PTPRD: variants seen among roughly 807,000 people sequenced by gnomAD.
The protein encoded by PTPRD is receptor-type tyrosine-protein phosphatase delta.
PTPRD carries 34 observed loss-of-function variants against 214.5 expected under a neutral mutation model. That is an observed-to-expected ratio of 0.16 (90% CI 0.12 to 0.21). The LOEUF (loss-of-function observed/expected upper bound fraction) is 0.21, where lower values mean the gene tolerates loss of function less well. PTPRD is among the 10% of genes least tolerant of loss of function. PTPRD has a pLI of 1.00. For missense variants in PTPRD, 2,545 were observed against 2,398.7 expected (o/e 1.06, Z -1.27); for synonymous variants, 1,128 against 845.7 (o/e 1.33, Z -5.79).
In PTPRD at chr9:8,504,685, T is replaced by C. The variant is rs573567239; in HGVS notation, c.1678-280A>G. On this transcript the variant is annotated intron_variant, in intron 22 of 45. Coordinates refer to ENST00000381196, the MANE Select transcript of PTPRD (RefSeq NM_002839.4). ...CCAAATACATCAGATAAGACGAAGA[T>C]TGAGAGGCCAACACCCATGAGTATG... Among the ~76,000 whole-genome samples the C allele has an allele frequency of 1.1e-4, 16 of 152,254 alleles. No individual in the cohort carries two copies. The South Asian group carries it at 2.1e-3, about 20-fold the overall frequency.
intron 2 of PTPRD, among the ~76,000 whole-genome samples, chr9:10,396,736 A>C (rs1330978905): frequency 6.6e-6 from 1 of 152,032 alleles, no homozygotes; most frequent in African/African-American, 2.4e-5. Context: ...GGAAGTATAC[A>C]TAACAATTGC....
intron 10 of PTPRD, among the ~76,000 whole-genome samples, chr9:9,171,215 G>C (rs186098535): frequency 6.6e-6 from 1 of 152,212 alleles, no homozygotes; most frequent in Admixed American, 6.6e-5. Context: ...ATGGGGCATT[G>C]AGAGGTTAAT....
chr9:10,447,560 T>A (rs1389087469), intron 2 of PTPRD, among the ~76,000 whole-genome samples: 3 of 151,906 alleles, frequency 2.0e-5, no homozygotes, highest in Non-Finnish European at 4.4e-5. Flanking sequence ...ATCCACCACA[T>A]CTCCTGTTTT....
intron 7 of PTPRD, among the ~76,000 whole-genome samples, chr9:9,602,055 A>T (rs568839479): frequency 6.6e-6 from 1 of 152,118 alleles, no homozygotes; most frequent in African/African-American, 2.4e-5. Context: ...TACTGGTTTC[A>T]TCAGACTCTT....
At chr9:9,133,083 A>G (rs2099845314) in intron 10 of PTPRD, among the ~76,000 whole-genome samples, 1 of 152,188 alleles carries the variant, frequency 6.6e-6, no homozygotes, top group Non-Finnish European at 1.5e-5. Flanking sequence ...TCATGCAATC[A>G]GGGTTATTTT....
intron 3 of PTPRD, among the ~76,000 whole-genome samples, chr9:10,191,180 G>A (rs984816892): frequency 1.3e-5 from 2 of 152,120 alleles, no homozygotes; most frequent in Middle Eastern, 6.8e-3. Flanking sequence ...AAGAAATGAT[G>A]TTTTACTCAT....
At chr9:10,304,918 C>T (rs1211033545) in intron 3 of PTPRD, among the ~76,000 whole-genome samples, 1 of 152,126 alleles carries the variant, frequency 6.6e-6, no homozygotes, top group Non-Finnish European at 1.5e-5. Flanking sequence ...CTTTAAAGTT[C>T]ATATGGAACC....
At chr9:8,661,176 G>A (rs2097041320) in intron 12 of PTPRD, among the ~76,000 whole-genome samples, 1 of 151,972 alleles carries the variant, frequency 6.6e-6, no homozygotes, top group East Asian at 1.9e-4. Flanking sequence ...AAAATGCTCT[G>A]GACATAAAGA....
chr9:9,536,788 C>A (rs977130730), intron 8 of PTPRD, among the ~76,000 whole-genome samples: 2 of 152,026 alleles, frequency 1.3e-5, no homozygotes, highest in African/African-American at 4.8e-5. Flanking sequence ...CGAAAAGCCC[C>A]TTCTCATTTA....
intron 2 of PTPRD, among the ~76,000 whole-genome samples, chr9:10,553,267 A>G (rs1171904453): frequency 6.6e-6 from 1 of 152,200 alleles, no homozygotes; most frequent in Non-Finnish European, 1.5e-5. Context: ...GCAGAAAATG[A>G]AAAACACCTA....
At chr9:10,154,861 A>C (rs2099083738) in intron 3 of PTPRD, among the ~76,000 whole-genome samples, 1 of 152,040 alleles carries the variant, frequency 6.6e-6, no homozygotes, top group Non-Finnish European at 1.5e-5. Context: ...CCTGTAACAT[A>C]ATTTGAAGTC....
At chr9:10,149,840 T>C (rs867792850) in intron 3 of PTPRD, among the ~76,000 whole-genome samples, 64 of 151,986 alleles carry the variant, frequency 4.2e-4, no homozygotes, top group South Asian at 2.1e-4. Context: ...AAGCAATTCT[T>C]CTGCCTCAGC....
At chr9:9,233,357 A>T (rs559359764) in intron 9 of PTPRD, among the ~76,000 whole-genome samples, 1 of 152,280 alleles carries the variant, frequency 6.6e-6, no homozygotes, top group Non-Finnish European at 1.5e-5. Context: ...TTACCTCCCA[A>T]CAGGTCCCTT....
intron 3 of PTPRD, among the ~76,000 whole-genome samples, chr9:10,323,259 TCTCCCCTCCC>T (rs1158408544): frequency 1.2e-4 from 2 of 16,280 alleles, no homozygotes; most frequent in African/African-American, 5.5e-4. Flanking sequence ...CCTTCCCTTC[TCTCCCCTCCC>T]CTCCCCTCCC....
chr9:9,883,805 A>G (rs1167625548), intron 5 of PTPRD, among the ~76,000 whole-genome samples: 1 of 152,100 alleles, frequency 6.6e-6, no homozygotes, highest in Non-Finnish European at 1.5e-5. Context: ...TCCAGGGCAA[A>G]CTTTTCAATA....
At chr9:9,411,138 G>C (rs1308916890) in intron 8 of PTPRD, among the ~76,000 whole-genome samples, 2 of 151,912 alleles carry the variant, frequency 1.3e-5, no homozygotes, top group African/African-American at 2.4e-5. Flanking sequence ...CATCAAAATA[G>C]ACATAAAATA....
At chr9:8,688,157 G>A (rs957972668) in intron 12 of PTPRD, among the ~76,000 whole-genome samples, 1 of 152,154 alleles carries the variant, frequency 6.6e-6, no homozygotes, top group Non-Finnish European at 1.5e-5. Context: ...GTTTTCATAA[G>A]GGACAGATGT....
At chr9:10,489,264 G>T (rs2099152509) in intron 2 of PTPRD, among the ~76,000 whole-genome samples, 1 of 152,054 alleles carries the variant, frequency 6.6e-6, no homozygotes, top group South Asian at 2.1e-4. Flanking sequence ...CAAGAGCTAG[G>T]GCCTGGAAAG....
rs889695123 is a variant in PTPRD, at chr9:9,796,518, A to G, written c.-367-29667T>C. On this transcript the variant is annotated intron_variant, in intron 5 of 45. Coordinates refer to ENST00000381196, the MANE Select transcript of PTPRD (RefSeq NM_002839.4). ...GCATTTGCTGACAGCTAAAGCTAAG[A>G]AAGTAGATGAGAATTCTCAGGGAGG... 2.0e-5 allele frequency among the ~76,000 whole-genome samples: 3 copies of G among 152,272 alleles called. No individual in the cohort carries two copies. In the South Asian group the frequency reaches 6.2e-4, roughly 32 times the overall value.
Sources: allele counts gnomAD v4.1 joint callset (sites outside exome capture counted in the v4.1 genomes callset), GRCh38; gene constraint gnomAD v4.1.1; transcripts MANE v1.5; gene names NCBI Gene and HGNC (gene_info 2026-07-23, HGNC 2026-07-21).